The following MAP3K1 variants were observed in gnomAD, a reference collection of about 807,000 sequenced individuals.
MAP3K1 encodes the protein mitogen-activated protein kinase kinase kinase 1, also known as MAP/ERK kinase kinase 1.
Under a neutral mutation model 144.2 loss-of-function variants are expected in MAP3K1, and 36 were observed. The observed-to-expected ratio is 0.25, with a 90% CI of 0.19 to 0.33. The LOEUF (loss-of-function observed/expected upper bound fraction) is 0.33, where lower values mean the gene tolerates loss of function less well. Among genes scored for constraint, MAP3K1 ranks in the 10% least tolerant of loss-of-function variants. The pLI is 1.00. For synonymous variants in MAP3K1, 718 were observed against 688.7 expected (o/e 1.04, Z -0.67); for missense variants, 1,650 against 1,881.9 (o/e 0.88, Z 2.28).
At chr5:56,831,161 G>A (rs950513906) in intron 1 of MAP3K1, among the ~76,000 whole-genome samples, 2 of 146,442 alleles carry the variant, frequency 1.4e-5, no homozygotes, top group East Asian at 2.0e-4. Context: ...TTTTTAACCC[G>A]TGAAAATGGG....
In MAP3K1 at chr5:56,882,272, G is replaced by C; in HGVS notation, c.3072G>C (p.Lys1024Asn). The change falls in exon 14 of 20, where the codon AAG becomes AAC. Residue 1024 changes from lysine (K) to asparagine (N), a missense_variant. Transcript: ENST00000399503. ...IPSASPQTQR[K>N]FSLQFHRNCP... ...CTGCATCTCCTCAAACACAGCGCAA[G>C]TTTTCTCTACAATTCCACAGAAACT... 6.2e-7 allele frequency: 1 copy of C among 1,614,032 alleles called. No individual in the cohort carries two copies. The highest frequency in any genetic ancestry group is 1.1e-5 in the South Asian group (1 of 91,082).
chr5:56,843,015 C>G (rs1356052394), intron 1 of MAP3K1, among the ~76,000 whole-genome samples: 6 of 152,154 alleles, frequency 3.9e-5, no homozygotes, highest in Non-Finnish European at 7.3e-5. Context: ...ACATATCTTT[C>G]AGGTGGTATG....
chr5:56,842,934 G>A (rs890271835), intron 1 of MAP3K1, among the ~76,000 whole-genome samples: 1 of 152,110 alleles, frequency 6.6e-6, no homozygotes, highest in Non-Finnish European at 1.5e-5. Context: ...CAGAACTCAT[G>A]CCCCTGATCG....
At chr5:56,876,871 A>G (rs1158851603) in intron 10 of MAP3K1, among the ~76,000 whole-genome samples, 1 of 152,208 alleles carries the variant, frequency 6.6e-6, no homozygotes, top group Non-Finnish European at 1.5e-5. Context: ...AATCATTTAG[A>G]AACCTTTAGA....
chr5:56,828,816 GCTT>G (rs1354701190), intron 1 of MAP3K1, among the ~76,000 whole-genome samples: 8 of 152,120 alleles, frequency 5.3e-5, no homozygotes, highest in South Asian at 4.1e-4. Context: ...CTCTAAAAAA[GCTT>G]CTTCTTTGAC....
At chr5:56,890,169 G>A (rs1748506495) in intron 19 of MAP3K1, among the ~76,000 whole-genome samples, 1 of 152,058 alleles carries the variant, frequency 6.6e-6, no homozygotes. Context: ...GTCCATTCAT[G>A]TCTGATTCAT....
At position 56,819,529 on chromosome 5, in the gene MAP3K1, G is replaced by A. The variant is rs1289760713; in HGVS notation, c.482+3474G>A. ...TGCATCCCAAAGGAAGAAATGAGGG[G>A]GTGGCAAGGTAGTTAATGGGGAATG... On this transcript the variant is annotated intron_variant, in intron 1 of 19. Transcript: ENST00000399503. Among the ~76,000 whole-genome samples the A allele has an allele frequency of 2.6e-5, 4 of 152,110 alleles. No individual in the cohort carries two copies. In the East Asian group the frequency reaches 7.7e-4, roughly 29 times the overall value.
intron 1 of MAP3K1, among the ~76,000 whole-genome samples, chr5:56,824,254 GA>G (rs1746241189): frequency 1.3e-5 from 2 of 152,198 alleles, no homozygotes; most frequent in South Asian, 2.1e-4. Context: ...TAAGAAGTAA[GA>G]AAAAATACTC....
intron 1 of MAP3K1, among the ~76,000 whole-genome samples, chr5:56,824,569 A>G (rs1226821898): frequency 2.0e-5 from 3 of 152,316 alleles, no homozygotes; most frequent in Non-Finnish European, 2.9e-5. Context: ...CATTGGTACA[A>G]TTAGTTCCAT....
At chr5:56,850,990 A>T (rs1224181596) in intron 1 of MAP3K1, among the ~76,000 whole-genome samples, 1 of 152,206 alleles carries the variant, frequency 6.6e-6, no homozygotes, top group South Asian at 2.1e-4. Context: ...CTTGTTGCCC[A>T]GGCTGGAGTG....
At chr5:56,831,275 C>T (rs1190376791) in intron 1 of MAP3K1, among the ~76,000 whole-genome samples, 2 of 150,410 alleles carry the variant, frequency 1.3e-5, no homozygotes, top group African/African-American at 4.9e-5. Flanking sequence ...TACTGTCTGT[C>T]CTCTGTGATT....
intron 19 of MAP3K1, 75 bp from the exon 20 acceptor site, chr5:56,893,456 G>GA: frequency 7.0e-7 from 1 of 1,423,008 alleles, no homozygotes; most frequent in Non-Finnish European, 9.9e-7. Context: ...TAAGGGTTAT[G>GA]AGGTCTATGC....
rs1554033114 is a variant in MAP3K1 at position 56,854,447 on chromosome 5, A to AAG, written c.483-2152_483-2151insGA. Among the ~76,000 whole-genome samples, 365 of 151,146 alleles carry AAG rather than the reference A, an allele frequency of 2.4e-3. 4 individuals carry two copies. Among genetic ancestry groups the AAG allele is most frequent in the African/African-American group, 8.2e-3 (337 of 41,186 alleles). ...AACTCCATCTCAAAAAAAAAAAAAAAAAAGAAAGAAAAAAGAAAAAAATAA... is the reference window on the plus strand; with the variant it reads ...AACTCCATCTCAAAAAAAAAAAAAAAAGAAAGAAAGAAAAAAGAAAAAAATAA... On this transcript the variant is annotated intron_variant, in intron 1 of 19. Coordinates refer to ENST00000399503, the MANE Select transcript of MAP3K1 (RefSeq NM_005921.2).
rs1198453711 is a variant in MAP3K1, at chr5:56,851,489, T to C, written c.483-5111T>C. 2.6e-5 allele frequency among the ~76,000 whole-genome samples: 4 copies of C among 152,214 alleles called. No homozygotes were observed. The East Asian group carries it at 7.7e-4, about 29-fold the overall frequency. ...GTGGCTGTCATCATCTAACAGCTTATCAGGGGACCCGTGTACAACTTGTTA... is the reference window on the plus strand; with the variant it reads ...GTGGCTGTCATCATCTAACAGCTTACCAGGGGACCCGTGTACAACTTGTTA... On this transcript the variant is annotated intron_variant, in intron 1 of 19. Transcript: ENST00000399503.
chr5:56,833,464 A>G (rs531692752), intron 1 of MAP3K1, among the ~76,000 whole-genome samples: 28 of 152,140 alleles, frequency 1.8e-4, no homozygotes, highest in Non-Finnish European at 4.1e-4. Flanking sequence ...CACAGTAGTA[A>G]GGGGAGAGTG....
At chr5:56,817,146 GC>G (rs1269458705) in intron 1 of MAP3K1, 1 of 975,780 alleles carries the variant, frequency 1.0e-6, no homozygotes, top group Non-Finnish European at 1.2e-6. Context: ...TATTGGCCTC[GC>G]CCATTTTTGG....
In MAP3K1 at chr5:56,818,608, C is replaced by T. The variant is rs985105539; in HGVS notation, c.482+2553C>T. On this transcript the variant is annotated intron_variant, in intron 1 of 19. Coordinates refer to ENST00000399503, the MANE Select transcript of MAP3K1 (RefSeq NM_005921.2). ...TCAGTGAAAGTGCCTGTAAGTGGCGCCCAAGGGTTTGGAATTTTTCCTTAT... is the reference window on the plus strand; with the variant it reads ...TCAGTGAAAGTGCCTGTAAGTGGCGTCCAAGGGTTTGGAATTTTTCCTTAT... 2.0e-5 allele frequency among the ~76,000 whole-genome samples: 3 copies of T among 152,070 alleles called. No homozygotes were observed. The South Asian group carries it at 6.2e-4, about 32-fold the overall frequency.
At chr5:56,875,698 A>C (rs1429158865) in intron 10 of MAP3K1, among the ~76,000 whole-genome samples, 1 of 151,450 alleles carries the variant, frequency 6.6e-6, no homozygotes, top group Non-Finnish European at 1.5e-5. Context: ...AAAGCCTAAA[A>C]CAAAACAAAA....
At chr5:56,888,905 T>A (rs970155800) in intron 19 of MAP3K1, among the ~76,000 whole-genome samples, 2 of 152,200 alleles carry the variant, frequency 1.3e-5, no homozygotes, top group African/African-American at 4.8e-5. Flanking sequence ...TTTCCAGGAG[T>A]TGATATTGTC....
Sources: gnomAD v4.1 joint callset for allele counts (sites outside exome capture counted in the v4.1 genomes callset) on GRCh38, gnomAD v4.1.1 for gene constraint, MANE v1.5 for transcripts, NCBI Gene and HGNC (gene_info 2026-07-23, HGNC 2026-07-21) for gene names.